The following XPR1 variants were observed in gnomAD, a reference collection of about 807,000 sequenced individuals.
XPR1 encodes the protein xenotropic and polytropic retrovirus receptor 1, also known as solute carrier family 53 member 1.
In XPR1, 28 loss-of-function variants were observed where a neutral mutation model predicts 87.5. That is an observed-to-expected ratio of 0.32 (90% CI 0.24 to 0.44). The LOEUF is 0.44. XPR1 is among the 20% of genes least tolerant of loss of function. The pLI is 1.00. For missense variants in XPR1, 559 were observed against 862.3 expected (o/e 0.65, Z 4.41); for synonymous variants, 300 against 306.1 (o/e 0.98, Z 0.21).
At chr1:180,719,128 A>G (rs1658094618) in intron 2 of XPR1, among the ~76,000 whole-genome samples, 1 of 152,244 alleles carries the variant, frequency 6.6e-6, no homozygotes, top group South Asian at 2.1e-4. Flanking sequence ...CTGCATTTGT[A>G]AAATACATAG....
intron 2 of XPR1, among the ~76,000 whole-genome samples, chr1:180,768,222 G>GTT (rs199597515): frequency 9.6e-5 from 14 of 146,202 alleles, no homozygotes; most frequent in African/African-American, 3.2e-4. Flanking sequence ...TTACTATAGA[G>GTT]TTTTTTTTTT....
intron 2 of XPR1, among the ~76,000 whole-genome samples, chr1:180,785,240 C>T (rs748662099): frequency 2.6e-5 from 4 of 151,880 alleles, no homozygotes; most frequent in Non-Finnish European, 4.4e-5. Context: ...ACCTCCACCT[C>T]CTCCCAGGTT....
At chr1:180,687,240 C>T (rs1215261163) in intron 2 of XPR1, among the ~76,000 whole-genome samples, 1 of 151,772 alleles carries the variant, frequency 6.6e-6, no homozygotes, top group Non-Finnish European at 1.5e-5. Flanking sequence ...TTTATTCATC[C>T]CCTTTATGCT....
chr1:180,828,896 A>G (rs1270499399), intron 9 of XPR1, among the ~76,000 whole-genome samples: 1 of 152,162 alleles, frequency 6.6e-6, no homozygotes, highest in Admixed American at 6.5e-5. Context: ...AACTAGTAGA[A>G]TATAAAAATC....
At chr1:180,692,420 T>C (rs2101958860) in intron 2 of XPR1, among the ~76,000 whole-genome samples, 1 of 152,204 alleles carries the variant, frequency 6.6e-6, no homozygotes, top group South Asian at 2.1e-4. Flanking sequence ...TCTTTAAGAA[T>C]GATATATTTT....
In XPR1 at chr1:180,835,017, T is replaced by G; in HGVS notation, c.1278T>G (p.Ser426Arg). Residue 426 changes from serine to arginine, a missense_variant, in exon 10 of 15, where the codon AGT (serine) becomes AGG (arginine). Physicochemically the swap from Ser to Arg is moderately radical, Grantham distance 110. Coordinates refer to ENST00000367590, the MANE Select transcript of XPR1 (RefSeq NM_004736.4). ...GTTTGGAGCTCAAATGGGATGAAAGTAAGGGCCTGTTGCCAAATAATTCAG... is the reference window on the plus strand; with the variant it reads ...GTTTGGAGCTCAAATGGGATGAAAGGAAGGGCCTGTTGCCAAATAATTCAG... ...FYSLELKWDE[S>R]KGLLPNNSEE... 6.2e-7 allele frequency: 1 copy of G among 1,614,042 alleles called. No homozygotes were observed. The highest frequency in any genetic ancestry group is 1.1e-5 in the South Asian group (1 of 91,064).
chr1:180,780,505 A>G (rs925549864), intron 2 of XPR1, among the ~76,000 whole-genome samples: 3 of 152,130 alleles, frequency 2.0e-5, no homozygotes, highest in Non-Finnish European at 4.4e-5. Context: ...AAATTTGGTT[A>G]TATGTCTTAT....
At chr1:180,731,444 G>A (rs990422636) in intron 2 of XPR1, among the ~76,000 whole-genome samples, 1 of 152,156 alleles carries the variant, frequency 6.6e-6, no homozygotes, top group South Asian at 2.1e-4. Context: ...CAAGAACTAG[G>A]GAGTGACAAG....
At chr1:180,764,150 C>T (rs1297062084) in intron 2 of XPR1, among the ~76,000 whole-genome samples, 1 of 152,294 alleles carries the variant, frequency 6.6e-6, no homozygotes, top group African/African-American at 2.4e-5. Flanking sequence ...AGATCATTTA[C>T]ATGGGTGGCT....
intron 1 of XPR1, among the ~76,000 whole-genome samples, chr1:180,677,142 C>T (rs1298241249): frequency 6.6e-6 from 1 of 152,132 alleles, no homozygotes; most frequent in African/African-American, 2.4e-5. Flanking sequence ...TTCATAAGAC[C>T]GCCCCTGCTT....
At chr1:180,718,967 G>A (rs975248578) in intron 2 of XPR1, among the ~76,000 whole-genome samples, 4 of 152,076 alleles carry the variant, frequency 2.6e-5, no homozygotes, top group Non-Finnish European at 5.9e-5. Flanking sequence ...GTACCCAGCC[G>A]GATCTGTATG....
intron 2 of XPR1, among the ~76,000 whole-genome samples, chr1:180,769,349 A>G (rs779950467): frequency 8.8e-4 from 132 of 150,798 alleles, no homozygotes; most frequent in Admixed American, 1.5e-3. Context: ...AGTAGGTCTT[A>G]TTCATTATTT....
At chr1:180,812,384 G>A (rs924847979) in intron 7 of XPR1, among the ~76,000 whole-genome samples, 6 of 152,160 alleles carry the variant, frequency 3.9e-5, no homozygotes, top group Non-Finnish European at 8.8e-5. Flanking sequence ...TCTGAAAGAT[G>A]TCTACTTGGC....
rs1419553389 is a variant in XPR1 at position 180,764,433 on chromosome 1, T to C, written c.122-23320T>C. Among the ~76,000 whole-genome samples the C allele has an allele frequency of 2.6e-5, 4 of 152,226 alleles. No homozygotes were observed. The East Asian group carries it at 7.7e-4, about 29-fold the overall frequency. Reference sequence around the variant, plus strand: ...AGGGTACTAAACCTGTAATCTTTTTTTTTTTTAAACTGTTAAAACTTTCTT... The same window carrying C: ...AGGGTACTAAACCTGTAATCTTTTTCTTTTTTAAACTGTTAAAACTTTCTT... On this transcript the variant is annotated intron_variant, in intron 2 of 14. Transcript: ENST00000367590.
rs543349554 is a variant in XPR1, at chr1:180,714,928, A to G, written c.121+32517A>G. ...ATTTAGTTTATTAGCTGGAAAGAAT[A>G]GCTGATATTCTGGAATGTTAGAATC... On this transcript the variant is annotated intron_variant, in intron 2 of 14. Coordinates refer to ENST00000367590, the MANE Select transcript of XPR1 (RefSeq NM_004736.4). Among the ~76,000 whole-genome samples, 4 of 152,292 alleles carry G rather than the reference A, an allele frequency of 2.6e-5. No individual in the cohort carries two copies. The East Asian group carries it at 5.8e-4, about 22-fold the overall frequency.
At position 180,886,186 on chromosome 1, in the gene XPR1, A is replaced by AT. The variant is rs1358051985; in HGVS notation, c.*2127dup. ...AAAGGTTGCATTATTTATACTTGAG[A>AT]TTTTTTTCCCCTAACTATTCTGTTT... On this transcript the variant is annotated 3_prime_UTR_variant, in exon 15 of 15. Coordinates refer to ENST00000367590, the MANE Select transcript of XPR1 (RefSeq NM_004736.4). The AT allele has an allele frequency of 6.6e-6, 1 of 152,094 alleles. No homozygotes were observed. Among genetic ancestry groups the AT allele is most frequent in the Non-Finnish European group, 1.5e-5 (1 of 67,992 alleles). The allele number at this position is 152,094 out of a possible 1,614,324, so 9.4% of individuals were successfully genotyped here.
chr1:180,651,449 T>C (rs1034040659), intron 1 of XPR1, among the ~76,000 whole-genome samples: 1 of 152,212 alleles, frequency 6.6e-6, no homozygotes, highest in Admixed American at 6.5e-5. Context: ...TCATGGATAC[T>C]AAGAGGCACA....
intron 6 of XPR1, among the ~76,000 whole-genome samples, chr1:180,810,495 C>G (rs1650168264): frequency 1.3e-5 from 2 of 151,918 alleles, no homozygotes; most frequent in South Asian, 2.1e-4. Flanking sequence ...TGGGGAATCA[C>G]TTGAGTCTGG....
intron 2 of XPR1, among the ~76,000 whole-genome samples, chr1:180,777,420 G>C (rs1648766018): frequency 6.6e-6 from 1 of 152,148 alleles, no homozygotes; most frequent in African/African-American, 2.4e-5. Flanking sequence ...GAGATTATTT[G>C]ATTAAAGTTT....
Sources: allele counts gnomAD v4.1 joint callset (sites outside exome capture counted in the v4.1 genomes callset), GRCh38; gene constraint gnomAD v4.1.1; transcripts MANE v1.5; gene names NCBI Gene and HGNC (gene_info 2026-07-23, HGNC 2026-07-21).